PLCB1: variants seen among roughly 807,000 people sequenced by gnomAD.
PLCB1 encodes 1-phosphatidylinositol 4,5-bisphosphate phosphodiesterase beta-1.
A neutral mutation model predicts 161.8 loss-of-function variants in PLCB1; 46 were observed. The ratio of observed to expected loss-of-function variants is 0.28; its 90% confidence interval spans 0.22 to 0.36. The LOEUF (loss-of-function observed/expected upper bound fraction) is 0.36, where lower values mean the gene tolerates loss of function less well. PLCB1 is among the 10% of genes least tolerant of loss of function. The pLI is 1.00. For missense variants in PLCB1, 1,016 were observed against 1,472.5 expected (o/e 0.69, Z 5.07); for synonymous variants, 517 against 503.7 (o/e 1.03, Z -0.35).
chr20:8,184,660 A>G (rs1177446368), intron 2 of PLCB1, among the ~76,000 whole-genome samples: 1 of 151,800 alleles, frequency 6.6e-6, no homozygotes, highest in Non-Finnish European at 1.5e-5. Context: ...AAAAGTCTTC[A>G]GTTGCATAAG....
intron 26 of PLCB1, among the ~76,000 whole-genome samples, chr20:8,768,943 T>A (rs1431474582): frequency 2.0e-5 from 3 of 152,248 alleles, no homozygotes; most frequent in Non-Finnish European, 4.4e-5. Flanking sequence ...GAAATTTCTT[T>A]GAATATCTTT....
intron 3 of PLCB1, among the ~76,000 whole-genome samples, chr20:8,461,142 C>T (rs889335830): frequency 1.3e-5 from 2 of 152,086 alleles, no homozygotes; most frequent in African/African-American, 4.8e-5. Flanking sequence ...CTTTATAGCT[C>T]CTTGGCTTTC....
At chr20:8,168,713 A>G (rs2051701500) in intron 2 of PLCB1, among the ~76,000 whole-genome samples, 1 of 151,616 alleles carries the variant, frequency 6.6e-6, no homozygotes, top group South Asian at 2.1e-4. Flanking sequence ...TTTCTTCCTA[A>G]ATGATTTGGA....
Position 8,812,396 on chromosome 20 carries a change from GTGGTGTGAGCGGGGGC to G in PLCB1, c.3423+22173_3423+22188del, listed in dbSNP as rs573297815. Reference sequence around the variant, plus strand: ...TTGCATGTCCTGGTGATGGGAAATGGTGGTGTGAGCGGGGGCTGGTGTGAGCGGGGGCTGGTGTGAG... The same window carrying G: ...TTGCATGTCCTGGTGATGGGAAATGGTGGTGTGAGCGGGGGCTGGTGTGAG... On this transcript the variant is annotated intron_variant, in intron 31 of 31. Transcript: ENST00000338037. Among the ~76,000 whole-genome samples the G allele has an allele frequency of 7.5e-3, 1,135 of 151,756 alleles. 6 individuals carry two copies. Among genetic ancestry groups the G allele is most frequent in the Admixed American group, 0.024 (365 of 15,236 alleles).
intron 3 of PLCB1, among the ~76,000 whole-genome samples, chr20:8,532,485 A>G (rs1023840867): frequency 6.6e-6 from 1 of 152,112 alleles, no homozygotes; most frequent in Non-Finnish European, 1.5e-5. Flanking sequence ...TTCACTTTCC[A>G]TTTCCCTGTC....
At chr20:8,719,692 T>C (rs1239150928) in intron 14 of PLCB1, among the ~76,000 whole-genome samples, 1 of 152,176 alleles carries the variant, frequency 6.6e-6, no homozygotes, top group Non-Finnish European at 1.5e-5. Context: ...TTCTAGAGAT[T>C]GGTTATATTT....
At chr20:8,805,371 C>G (rs1219078361) in intron 31 of PLCB1, among the ~76,000 whole-genome samples, 1 of 152,154 alleles carries the variant, frequency 6.6e-6, no homozygotes, top group Non-Finnish European at 1.5e-5. Context: ...TGACCAATTT[C>G]TAAAAACACC....
At chr20:8,363,081 C>T (rs1013038801) in intron 2 of PLCB1, among the ~76,000 whole-genome samples, 2 of 152,094 alleles carry the variant, frequency 1.3e-5, no homozygotes, top group African/African-American at 2.4e-5. Context: ...CATTTTTATG[C>T]AGGGTGGGTG....
At chr20:8,518,051 A>G (rs924717959) in intron 3 of PLCB1, among the ~76,000 whole-genome samples, 2 of 151,952 alleles carry the variant, frequency 1.3e-5, no homozygotes, top group African/African-American at 2.4e-5. Context: ...GCTTGGTGGC[A>G]TGCGCCTGTA....
In PLCB1 at chr20:8,812,915, C is replaced by T. The variant is rs964243679; in HGVS notation, c.3423+22654C>T. Among the ~76,000 whole-genome samples, 8 of 152,320 alleles carry T rather than the reference C, an allele frequency of 5.3e-5. No homozygotes were observed. In the South Asian group the frequency reaches 8.3e-4, roughly 16 times the overall value. On this transcript the variant is annotated intron_variant, in intron 31 of 31. Transcript: ENST00000338037. ...CCTGTCATGGGAAGTGTGGCTCCTACGCCCTCTGGGAGAGTGGTTTGAGAA... is the reference window on the plus strand; with the variant it reads ...CCTGTCATGGGAAGTGTGGCTCCTATGCCCTCTGGGAGAGTGGTTTGAGAA...
At chr20:8,853,666 A>G (rs562242395) in intron 31 of PLCB1, among the ~76,000 whole-genome samples, 37 of 152,202 alleles carry the variant, frequency 2.4e-4, no homozygotes, top group Non-Finnish European at 5.1e-4. Flanking sequence ...TGGGGGAAAA[A>G]AAATGCCAGG....
chr20:8,670,659 G>A (rs1989919882), intron 9 of PLCB1, among the ~76,000 whole-genome samples: 1 of 152,170 alleles, frequency 6.6e-6, no homozygotes, highest in Non-Finnish European at 1.5e-5. Flanking sequence ...AGATTTAGGG[G>A]AAAAATGGTA....
chr20:8,474,321 G>A (rs1430010777), intron 3 of PLCB1, among the ~76,000 whole-genome samples: 1 of 152,150 alleles, frequency 6.6e-6, no homozygotes, highest in Non-Finnish European at 1.5e-5. Context: ...AGGGTGATGC[G>A]GGAGTGGCAT....
At chr20:8,575,466 T>A (rs754376613) in intron 3 of PLCB1, among the ~76,000 whole-genome samples, 1 of 152,170 alleles carries the variant, frequency 6.6e-6, no homozygotes, top group Non-Finnish European at 1.5e-5. Flanking sequence ...GACTTAGACA[T>A]AAATTTGGCA....
chr20:8,532,328 C>T (rs913237544), intron 3 of PLCB1, among the ~76,000 whole-genome samples: 1 of 152,180 alleles, frequency 6.6e-6, no homozygotes, highest in African/African-American at 2.4e-5. Flanking sequence ...CCGTTAAAAG[C>T]CCTGTCAGGT....
At chr20:8,676,095 C>T (rs181387920) in intron 9 of PLCB1, among the ~76,000 whole-genome samples, 94 of 152,348 alleles carry the variant, frequency 6.2e-4, no homozygotes, top group African/African-American at 1.8e-3. Context: ...ACAGGCCGGG[C>T]GCGGCGGCTC....
intron 27 of PLCB1, among the ~76,000 whole-genome samples, chr20:8,787,672 T>C (rs1983554161): frequency 6.6e-6 from 1 of 152,252 alleles, no homozygotes; most frequent in Admixed American, 6.5e-5. Flanking sequence ...TACCTTTATG[T>C]AATTGGCAAA....
At chr20:8,588,542 A>ATGAGACTGGTGTCCTTATAAGAGGT (rs1329710867) in intron 3 of PLCB1, among the ~76,000 whole-genome samples, 1 of 152,144 alleles carries the variant, frequency 6.6e-6, no homozygotes, top group Non-Finnish European at 1.5e-5. Flanking sequence ...CCCTAATCCA[A>ATGAGACTGGTGTCCTTATAAGAGGT]TGAGACTGGT....
At chr20:8,761,098 T>C (rs770482802) in intron 25 of PLCB1, among the ~76,000 whole-genome samples, 4 of 152,330 alleles carry the variant, frequency 2.6e-5, no homozygotes, top group Non-Finnish European at 5.9e-5. Context: ...TAAATTGTGA[T>C]AAATTCCTAG....
Sources: allele counts gnomAD v4.1 joint callset (sites outside exome capture counted in the v4.1 genomes callset), GRCh38; gene constraint gnomAD v4.1.1; transcripts MANE v1.5; gene names NCBI Gene and HGNC (gene_info 2026-07-23, HGNC 2026-07-21).